DIAPH3: variants seen among roughly 807,000 people sequenced by gnomAD.
DIAPH3 encodes the protein protein diaphanous homolog 3.
In DIAPH3, 117 loss-of-function variants were observed where a neutral mutation model predicts 144.3. That is an observed-to-expected ratio of 0.81 (90% CI 0.70 to 0.95). DIAPH3 has a LOEUF of 0.95. Among genes scored for constraint, DIAPH3 ranks in the 40% least tolerant of loss-of-function variants. The probability of loss-of-function intolerance (pLI) is 0.00; values close to 1 mark genes in which losing one functional copy is unlikely to be tolerated. For missense variants in DIAPH3, 1,421 were observed against 1,412.7 expected, an observed-to-expected ratio of 1.01 and a Z score of -0.09; for synonymous variants, 519 against 488.9, an observed-to-expected ratio of 1.06 and a Z score of -0.81.
chr13:60,152,960 T>G (rs1951866448), intron 1 of DIAPH3, among the ~76,000 whole-genome samples: 1 of 152,164 alleles, frequency 6.6e-6, no homozygotes, highest in African/African-American at 2.4e-5. Flanking sequence ...TACAGAGGCC[T>G]TCCACAAATT....
chr13:59,994,966 T>G (rs774642160), intron 9 of DIAPH3, among the ~76,000 whole-genome samples: 1 of 151,792 alleles, frequency 6.6e-6, no homozygotes, highest in Non-Finnish European at 1.5e-5. Flanking sequence ...GAAGTAAATT[T>G]TTGAGCAAGG....
intron 9 of DIAPH3, among the ~76,000 whole-genome samples, chr13:60,003,107 T>G (rs2052617426): frequency 6.6e-6 from 1 of 152,122 alleles, no homozygotes. Context: ...CTGGGGCAAC[T>G]GTGGCAGAAG....
chr13:59,831,044 C>T (rs2041748494), intron 24 of DIAPH3, among the ~76,000 whole-genome samples: 1 of 151,754 alleles, frequency 6.6e-6, no homozygotes, highest in African/African-American at 2.4e-5. Context: ...TCTAGTTCGA[C>T]CATTTTATAG....
chr13:59,833,330 A>G lies in DIAPH3; in HGVS notation c.2863-59T>C, dbSNP rs74454398. ...AAGTAATGCTTTGGGGGCAGGGGGA[A>G]CTCTGTAAATCCAATGTTTTAGTCT... On this transcript the variant is annotated intron_variant, in intron 23 of 27. Transcript: ENST00000400324. 726 of 1,372,214 alleles carry G rather than the reference A, an allele frequency of 5.3e-4. 4 individuals carry two copies. The African/African-American group carries it at 9.1e-3, about 17-fold the overall frequency. 85.0% of individuals were successfully genotyped at this position (1,372,214 alleles called of 1,614,324 possible).
intron 4 of DIAPH3, among the ~76,000 whole-genome samples, chr13:60,060,509 C>A (rs1339733880): frequency 6.6e-6 from 1 of 152,000 alleles, no homozygotes; most frequent in Non-Finnish European, 1.5e-5. Flanking sequence ...AAGTACTCAC[C>A]CATAGTTTGC....
At chr13:59,719,994 G>C (rs1158569177) in intron 27 of DIAPH3, among the ~76,000 whole-genome samples, 2 of 152,164 alleles carry the variant, frequency 1.3e-5, no homozygotes, top group African/African-American at 4.8e-5. Context: ...TAGTTGGGAA[G>C]GGGAAAGTGT....
chr13:59,772,050 T>C (rs752391778), intron 27 of DIAPH3, among the ~76,000 whole-genome samples: 4 of 152,050 alleles, frequency 2.6e-5, no homozygotes, highest in Non-Finnish European at 5.9e-5. Flanking sequence ...ATTTTAAGTA[T>C]ATAAAAGCAA....
At chr13:59,951,743 C>T (rs1166189618) in intron 17 of DIAPH3, among the ~76,000 whole-genome samples, 2 of 151,930 alleles carry the variant, frequency 1.3e-5, no homozygotes, top group Non-Finnish European at 1.5e-5. Flanking sequence ...AAAATCAACA[C>T]CTATAAAAAA....
intron 27 of DIAPH3, among the ~76,000 whole-genome samples, chr13:59,699,422 G>A (rs1443059930): frequency 6.6e-6 from 1 of 152,220 alleles, no homozygotes; most frequent in African/African-American, 2.4e-5. Flanking sequence ...TGAGGTCAGA[G>A]AGATGATGGG....
intron 5 of DIAPH3, among the ~76,000 whole-genome samples, chr13:60,042,096 G>C (rs537116406): frequency 6.6e-6 from 1 of 151,958 alleles, no homozygotes; most frequent in African/African-American, 2.4e-5. Context: ...ATTTCTTAGA[G>C]GCACCAAAAA....
At chr13:59,979,088 A>T (rs1036578780) in intron 14 of DIAPH3, among the ~76,000 whole-genome samples, 4 of 151,732 alleles carry the variant, frequency 2.6e-5, no homozygotes, top group African/African-American at 4.8e-5. Context: ...GGCAATAGAA[A>T]TATTTTATGG....
At chr13:59,889,452 AT>A (rs529156623) in intron 20 of DIAPH3, among the ~76,000 whole-genome samples, 62 of 151,770 alleles carry the variant, frequency 4.1e-4, no homozygotes, top group East Asian at 1.2e-3. Flanking sequence ...CTATATAGCA[AT>A]TTTTTTTATA....
intron 17 of DIAPH3, among the ~76,000 whole-genome samples, chr13:59,932,750 G>A (rs2048082170): frequency 6.6e-6 from 1 of 152,066 alleles, no homozygotes; most frequent in African/African-American, 2.4e-5. Flanking sequence ...GGATTGTTGG[G>A]ACAAAGGATC....
intron 4 of DIAPH3, among the ~76,000 whole-genome samples, chr13:60,050,817 CAA>C (rs2056308228): frequency 6.3e-4 from 1 of 1,590 alleles, no homozygotes; most frequent in Non-Finnish European, 2.3e-3. Context: ...CAGACAGAAA[CAA>C]CGTGAAACAA....
chr13:60,104,924 T>C (rs1311840088), intron 3 of DIAPH3, among the ~76,000 whole-genome samples: 1 of 151,752 alleles, frequency 6.6e-6, no homozygotes, highest in Non-Finnish European at 1.5e-5. Context: ...TGAAACCCCG[T>C]CTCTGCTAAA....
intron 18 of DIAPH3, among the ~76,000 whole-genome samples, chr13:59,922,391 A>G (rs981884786): frequency 5.9e-5 from 9 of 152,098 alleles, no homozygotes; most frequent in Non-Finnish European, 1.2e-4. Context: ...ACCACTTTTA[A>G]ATAGACAAGT....
At chr13:59,991,407 T>C (rs2051800200) in intron 11 of DIAPH3, 133 bp from the exon 12 acceptor site, 1 of 698,992 alleles carries the variant, frequency 1.4e-6, no homozygotes, top group Non-Finnish European at 2.5e-6. Flanking sequence ...AAAATACAGA[T>C]ATTTAGGATT....
At chr13:59,946,244 A>G (rs995056389) in intron 17 of DIAPH3, among the ~76,000 whole-genome samples, 1 of 152,176 alleles carries the variant, frequency 6.6e-6, no homozygotes, top group Non-Finnish European at 1.5e-5. Flanking sequence ...GTTGCAAAGC[A>G]TTGTGTTCCT....
chr13:59,962,991 T>C (rs2049848146), intron 17 of DIAPH3, among the ~76,000 whole-genome samples: 1 of 152,178 alleles, frequency 6.6e-6, no homozygotes, highest in South Asian at 2.1e-4. Context: ...AAATTTCAAT[T>C]AGAGGTTAAA....
Sources: gnomAD v4.1 joint callset for allele counts (sites outside exome capture counted in the v4.1 genomes callset) on GRCh38, gnomAD v4.1.1 for gene constraint, MANE v1.5 for transcripts, NCBI Gene and HGNC (gene_info 2026-07-23, HGNC 2026-07-21) for gene names.